STRA6: variants seen among roughly 807,000 people sequenced by gnomAD.
STRA6 encodes the protein receptor for retinol uptake STRA6.
A neutral mutation model predicts 83.6 loss-of-function variants in STRA6; 48 were observed. The observed-to-expected ratio is 0.57, with a 90% CI of 0.46 to 0.73. The LOEUF is 0.73. STRA6 is among the 30% of genes least tolerant of loss of function. The pLI, the probability that STRA6 is intolerant of heterozygous loss-of-function variation, is 0.00. For missense variants in STRA6, 760 were observed against 838.8 expected (o/e 0.91, Z 1.16); for synonymous variants, 353 against 362.3 (o/e 0.97, Z 0.29).
At position 74,189,191 on chromosome 15, in the gene STRA6, G is replaced by A. The variant is rs1345912861; in HGVS notation, c.1014C>T (p.Ala338=). Residue 338 remains alanine, a synonymous_variant, in exon 12 of 19, where the codon GCC becomes GCT. Coordinates refer to ENST00000395105, the MANE Select transcript of STRA6 (RefSeq NM_022369.4). ...GVTTDVSYLL[A]GFGIVLSEDK... ...CCTCGGAGAGCACGATTCCAAAGCC[G>A]GCCAGCAGGTAGGAGACATCCGTGG... is the stretch of plus-strand genomic sequence containing the variant. The A allele has an allele frequency of 6.2e-6, 10 of 1,613,838 alleles. No individual in the cohort carries two copies. Among genetic ancestry groups the A allele is most frequent in the African/African-American group, 2.7e-5 (2 of 75,016 alleles).
intron 16 of STRA6, 128 bp from the exon 17 acceptor site, chr15:74,181,586 T>C: frequency 2.3e-6 from 3 of 1,290,172 alleles, no homozygotes; most frequent in Non-Finnish European, 3.3e-6. Context: ...CTATGTCTTC[T>C]GTGCACCCCA....
chr15:74,184,349 G>C (rs997012012), intron 13 of STRA6, among the ~76,000 whole-genome samples: 1 of 152,176 alleles, frequency 6.6e-6, no homozygotes, highest in Admixed American at 6.5e-5. Context: ...AGAAGGAGGG[G>C]TGACCTGTGG....
intron 18 of STRA6, 119 bp from the exon 19 acceptor site, chr15:74,180,362 A>T (rs1249037352): frequency 6.9e-6 from 9 of 1,298,064 alleles, no homozygotes; most frequent in Non-Finnish European, 9.9e-6. Context: ...GAGGCTTAGG[A>T]TGTCCCCTGC....
At chr15:74,189,424 G>A in intron 11 of STRA6, 147 bp from the exon 12 acceptor site, 1 of 1,225,490 alleles carries the variant, frequency 8.2e-7, no homozygotes. Flanking sequence ...TTAGAGCAGG[G>A]ATCTCACGCC....
upstream of STRA6, chr15:74,209,717 AC>A (rs1315300322): frequency 2.3e-6 from 1 of 432,016 alleles, no homozygotes; most frequent in Non-Finnish European, 4.1e-6. Context: ...GGCTCTCCCT[AC>A]CCCTCCCTCC....
upstream of STRA6, among the ~76,000 whole-genome samples, chr15:74,210,845 G>T (rs2074356654): frequency 6.6e-6 from 1 of 152,160 alleles, no homozygotes; most frequent in African/African-American, 2.4e-5. Context: ...AAAAAGAGAG[G>T]TGTTCTCTTT....
intron 7 of STRA6, chr15:74,194,786 T>C: frequency 1.6e-6 from 2 of 1,276,916 alleles, no homozygotes; most frequent in Non-Finnish European, 2.0e-6. Context: ...CACACTCAGG[T>C]TGTCTGGCTC....
At position 74,183,962 on chromosome 15, in the gene STRA6, T is replaced by C; in HGVS notation, c.1194A>G (p.Gly398=). Residue 398 remains glycine (G), a synonymous_variant, in exon 14 of 19, where the codon GGA becomes GGG. Transcript: ENST00000395105. The stretch of plus-strand genomic sequence containing the variant: ...GCAAGGGACTCAAGTCCAGGGCAGC[T>C]CCTCGGTGCAGAGCTCGAAGGTTGG... ...HRTNLRALHR[G]AALDLSPLHR... 2 of 1,613,710 alleles carry C rather than the reference T, an allele frequency of 1.2e-6. No homozygotes were observed. The highest frequency in any genetic ancestry group is 1.7e-6 in the Non-Finnish European group (2 of 1,180,014).
intron 16 of STRA6, among the ~76,000 whole-genome samples, chr15:74,181,895 T>C (rs2073012165): frequency 6.6e-6 from 1 of 152,066 alleles, no homozygotes; most frequent in South Asian, 2.1e-4. Context: ...AAACAGAGGA[T>C]CCAGGGGAGA....
rs79553711 is a variant in STRA6 at position 74,187,526 on chromosome 15, C to T, written c.1090+1589G>A. Among the ~76,000 whole-genome samples the T allele has an allele frequency of 3.6e-3, 546 of 152,060 alleles. 6 individuals carry two copies. The highest frequency in any genetic ancestry group is 0.013 in the African/African-American group (529 of 41,484). ...AGAGATTCTAATCTAGTTTGCCTGA[C>T]TCAGTCTGAGCTCTCTGTGAGTGAT... is the stretch of plus-strand genomic sequence containing the variant. On this transcript the variant is annotated intron_variant, in intron 12 of 18. Transcript: ENST00000395105.
At chr15:74,202,511 C>T in intron 1 of STRA6, 4 of 1,526,696 alleles carry the variant, frequency 2.6e-6, no homozygotes, top group Non-Finnish European at 2.6e-6. Context: ...CTCCTCCCTT[C>T]CCGCCCATCG....
chr15:74,187,543 G>A (rs2073313952), intron 12 of STRA6, among the ~76,000 whole-genome samples: 1 of 151,986 alleles, frequency 6.6e-6, no homozygotes, highest in Non-Finnish European at 1.5e-5. Flanking sequence ...TGAGCTCTCT[G>A]TGAGTGATGC....
At chr15:74,194,230 C>G (rs546731253) in intron 7 of STRA6, among the ~76,000 whole-genome samples, 3 of 152,314 alleles carry the variant, frequency 2.0e-5, no homozygotes, top group African/African-American at 7.2e-5. Context: ...CTTTCTGTTT[C>G]TGTGTTCCCG....
At chr15:74,195,539 G>T in intron 6 of STRA6, 71 bp from the exon 7 acceptor site, 3 of 1,591,264 alleles carry the variant, frequency 1.9e-6, no homozygotes. Context: ...AGCCCACCCA[G>T]GCCTCTCTTC....
At chr15:74,205,020 C>T (rs565607979), upstream of STRA6, among the ~76,000 whole-genome samples, 3 of 152,204 alleles carry the variant, frequency 2.0e-5, no homozygotes, top group African/African-American at 4.8e-5. Flanking sequence ...GGTTTGGCAG[C>T]GAGCAAGATG....
intron 7 of STRA6, chr15:74,194,338 A>G: frequency 9.1e-7 from 1 of 1,093,214 alleles, no homozygotes. Context: ...CCTACTCCTC[A>G]GGGCTGAGGC....
chr15:74,197,519 C>T (rs1307269002), intron 3 of STRA6, 96 bp from the exon 4 acceptor site: 2 of 1,167,560 alleles, frequency 1.7e-6, no homozygotes, highest in Non-Finnish European at 2.5e-6. Flanking sequence ...ATATCCCCTA[C>T]CTGCCCAGTG....
At chr15:74,189,398 T>G in intron 11 of STRA6, 121 bp from the exon 12 acceptor site, 1 of 1,373,664 alleles carries the variant, frequency 7.3e-7, no homozygotes. Flanking sequence ...TGCCCATCAG[T>G]GTTCTTATCT....
At chr15:74,191,552 T>C (rs1270853038) in intron 8 of STRA6, 61 bp from the exon 9 acceptor site, 1 of 1,437,954 alleles carries the variant, frequency 7.0e-7, no homozygotes, top group African/African-American at 1.4e-5. Flanking sequence ...CGTGGGTCCC[T>C]GGCTCAGGGA....
Sources: gnomAD v4.1 joint callset for allele counts (sites outside exome capture counted in the v4.1 genomes callset) on GRCh38, gnomAD v4.1.1 for gene constraint, MANE v1.5 for transcripts, NCBI Gene and HGNC (gene_info 2026-07-23, HGNC 2026-07-21) for gene names.